Variants in LDHC observed in about 807,000 individuals in gnomAD.
LDHC encodes lactate dehydrogenase C.
LDHC carries 20 observed loss-of-function variants against 30.2 expected under a neutral mutation model. The ratio of observed to expected loss-of-function variants is 0.66; its 90% CI spans 0.47 to 0.96. The LOEUF is 0.96. Among genes scored for constraint, LDHC ranks in the 40% least tolerant of loss-of-function variants. The probability of loss-of-function intolerance (pLI) is 0.00; values close to 1 mark genes in which losing one functional copy is unlikely to be tolerated. For synonymous variants in LDHC, 139 were observed against 132.7 expected (o/e 1.05, Z -0.32); for missense variants, 362 against 394.9 (o/e 0.92, Z 0.71).
rs748928915 is a variant in LDHC, at chr11:18,429,956, A to G, written c.418+46A>G. 6.8e-6 allele frequency: 8 copies of G among 1,176,896 alleles called. No homozygotes were observed. The East Asian group carries it at 1.4e-4, about 21-fold the overall frequency. 72.9% of individuals were successfully genotyped at this position (1,176,896 alleles called of 1,614,324 possible). A position where few individuals can be genotyped will look rare whatever the true frequency, so the allele number is the denominator to read the frequency against. ...TCTATTGCATAAGGATGATCTTTCC[A>G]TACCATTCCTTTAAAAGAATCAACT... On this transcript the variant is annotated intron_variant, in intron 4 of 7. Coordinates refer to ENST00000541669, the MANE Select transcript of LDHC (RefSeq NM_017448.5).
intron 6 of LDHC, among the ~76,000 whole-genome samples, chr11:18,444,604 GTATATATATATATATATATATATA>G (rs60764598): frequency 0.044 from 3,899 of 89,376 alleles, 233 homozygotes; most frequent in African/African-American, 0.12. Context: ...TGTTCAGGTG[GTATATATATATATATATATATATA>G]TATATATATA....
intron 4 of LDHC, among the ~76,000 whole-genome samples, chr11:18,431,396 A>G (rs1384801868): frequency 6.6e-6 from 1 of 152,246 alleles, no homozygotes; most frequent in Non-Finnish European, 1.5e-5. Context: ...TGGGAAGTGG[A>G]GGTTGTGGTG....
intron 2 of LDHC, among the ~76,000 whole-genome samples, chr11:18,414,618 A>C (rs1351498673): frequency 6.6e-6 from 1 of 152,156 alleles, no homozygotes; most frequent in Non-Finnish European, 1.5e-5. Flanking sequence ...ACTTGAGGTT[A>C]GGAGTTTGAG....
chr11:18,439,342 C>T (rs1848414237), intron 6 of LDHC, among the ~76,000 whole-genome samples: 9 of 152,036 alleles, frequency 5.9e-5, no homozygotes, highest in Admixed American at 5.9e-4. Context: ...GCGGGTGGAT[C>T]ACCTGAGGTC....
chr11:18,434,878 A>T lies in LDHC; in HGVS notation c.557A>T (p.His186Leu), dbSNP rs753372115. 6.2e-7 allele frequency: 1 copy of T among 1,613,422 alleles called. No homozygotes were observed. The highest frequency in any genetic ancestry group is 2.2e-5 in the East Asian group (1 of 44,872). ...EKLGVHPTSC[H>L]GWIIGEHGDS... ...TTGGGTGTCCACCCCACAAGCTGCC[A>T]TGGTTGGATTATTGGAGAACATGGT... Residue 186 changes from histidine (H) to leucine (L), a missense_variant, in exon 5 of 8, where the codon CAT (histidine) becomes CTT (leucine). His to Leu is a moderately conservative substitution (Grantham distance 99, BLOSUM62 -3). Coordinates refer to ENST00000541669, the MANE Select transcript of LDHC (RefSeq NM_017448.5).
At position 18,421,325 on chromosome 11, in the gene LDHC, G is replaced by C. The variant is rs541626310; in HGVS notation, c.244+6024G>C. Among the ~76,000 whole-genome samples the C allele has an allele frequency of 6.6e-5, 10 of 152,086 alleles. No individual in the cohort carries two copies. The South Asian group carries it at 2.1e-3, about 32-fold the overall frequency. ...CCGCTTCGGCTTCCCAAAGTGCTGGGATTACAGGAGTGAGCCACCATGGCT... is the reference window on the plus strand; with the variant it reads ...CCGCTTCGGCTTCCCAAAGTGCTGGCATTACAGGAGTGAGCCACCATGGCT... On this transcript the variant is annotated intron_variant, in intron 3 of 7. Coordinates refer to ENST00000541669, the MANE Select transcript of LDHC (RefSeq NM_017448.5).
At chr11:18,422,426 C>T (rs1007463750) in intron 3 of LDHC, among the ~76,000 whole-genome samples, 14 of 151,634 alleles carry the variant, frequency 9.2e-5, no homozygotes, top group African/African-American at 4.9e-5. Flanking sequence ...CGTAATGGTG[C>T]ACACCTGTAA....
intron 6 of LDHC, among the ~76,000 whole-genome samples, chr11:18,441,296 T>A (rs1385771447): frequency 2.6e-5 from 4 of 152,000 alleles, no homozygotes; most frequent in African/African-American, 9.7e-5. Context: ...AGCATATCAG[T>A]ATCTTCTTTA....
At chr11:18,413,852 C>A (rs541448947) in intron 2 of LDHC, among the ~76,000 whole-genome samples, 1 of 152,080 alleles carries the variant, frequency 6.6e-6, no homozygotes, top group African/African-American at 2.4e-5. Context: ...TATATAGTTC[C>A]GTACTCTGTC....
chr11:18,419,226 C>T (rs1867076173), intron 3 of LDHC, among the ~76,000 whole-genome samples: 1 of 152,166 alleles, frequency 6.6e-6, no homozygotes, highest in Non-Finnish European at 1.5e-5. Flanking sequence ...AAGCCACAGA[C>T]AATAATACAT....
intron 6 of LDHC, among the ~76,000 whole-genome samples, chr11:18,445,944 T>C (rs1848545952): frequency 6.6e-6 from 1 of 152,066 alleles, no homozygotes; most frequent in African/African-American, 2.4e-5. Flanking sequence ...ACAACTGCCC[T>C]CCGGCCTGGG....
At position 18,431,801 on chromosome 11, in the gene LDHC, T is replaced by C. The variant is rs1590229645; in HGVS notation, c.418+1891T>C. 3.3e-5 allele frequency among the ~76,000 whole-genome samples: 5 copies of C among 152,162 alleles called. No individual in the cohort carries two copies. The East Asian group carries it at 9.6e-4, about 29-fold the overall frequency. On this transcript the variant is annotated intron_variant, in intron 4 of 7. Coordinates refer to ENST00000541669, the MANE Select transcript of LDHC (RefSeq NM_017448.5). ...CCTGACCTCAGGTGATCCACCTGCC[T>C]CGCCTCCCAAAGTTCTGGGATTACA...
At chr11:18,415,849 C>T (rs1264266605) in intron 3 of LDHC, among the ~76,000 whole-genome samples, 1 of 151,986 alleles carries the variant, frequency 6.6e-6, no homozygotes, top group Non-Finnish European at 1.5e-5. Context: ...TGCGCTACCA[C>T]ACCCCGCTGA....
At chr11:18,450,288 G>A (rs1049285566) in intron 7 of LDHC, 1 of 153,158 alleles carries the variant, frequency 6.5e-6, no homozygotes, top group East Asian at 1.9e-4. Context: ...AGGGGCCCAG[G>A]ATAGGGCAGT....
At chr11:18,440,658 G>A (rs1456004767) in intron 6 of LDHC, among the ~76,000 whole-genome samples, 1 of 152,190 alleles carries the variant, frequency 6.6e-6, no homozygotes, top group African/African-American at 2.4e-5. Flanking sequence ...GCTGGGTGCA[G>A]TGGCTCACAT....
At chr11:18,430,444 C>T (rs1848246170) in intron 4 of LDHC, among the ~76,000 whole-genome samples, 2 of 149,678 alleles carry the variant, frequency 1.3e-5, no homozygotes, top group African/African-American at 2.4e-5. Context: ...TCACATTGAT[C>T]CTCCCACCTC....
At chr11:18,435,605 A>G (rs1848343591) in intron 5 of LDHC, among the ~76,000 whole-genome samples, 1 of 152,094 alleles carries the variant, frequency 6.6e-6, no homozygotes, top group Non-Finnish European at 1.5e-5. Context: ...ATTTCTTTAT[A>G]GCAATGTGAG....
chr11:18,431,898 T>C (rs935807471), intron 4 of LDHC, among the ~76,000 whole-genome samples: 5 of 152,218 alleles, frequency 3.3e-5, no homozygotes, highest in Non-Finnish European at 5.9e-5. Context: ...ATCAATTTTA[T>C]TTAGCTTTTC....
At chr11:18,429,457 T>A (rs994933479) in intron 3 of LDHC, among the ~76,000 whole-genome samples, 1 of 152,248 alleles carries the variant, frequency 6.6e-6, no homozygotes, top group South Asian at 2.1e-4. Flanking sequence ...TTCATTGCCT[T>A]GGGCCTTCAT....
Sources: allele counts gnomAD v4.1 joint callset (sites outside exome capture counted in the v4.1 genomes callset), GRCh38; gene constraint gnomAD v4.1.1; transcripts MANE v1.5; gene names NCBI Gene and HGNC (gene_info 2026-07-23, HGNC 2026-07-21).